The following TMEM47 variants were observed in gnomAD, a reference collection of about 807,000 sequenced individuals.
The protein encoded by TMEM47 is brain cell membrane protein 1.
TMEM47 carries 3 observed loss-of-function variants against 12.4 expected under a neutral mutation model. The observed-to-expected ratio is 0.24, with a 90% CI of 0.11 to 0.63. TMEM47 has a LOEUF of 0.63. Among genes scored for constraint, TMEM47 ranks in the 20% least tolerant of loss-of-function variants. TMEM47 has a pLI of 0.86. For synonymous variants in TMEM47, 62 were observed against 63.3 expected (o/e 0.98, Z 0.10); for missense variants, 89 against 143.8 (o/e 0.62, Z 1.95).
intron 1 of TMEM47, among the ~76,000 whole-genome samples, chrX:34,645,348 C>G (rs1340324894): frequency 8.9e-6 from 1 of 111,916 alleles, no homozygotes; most frequent in East Asian, 2.8e-4. Context: ...TAATTATTTT[C>G]ACGAAATGTA....
rs982695528 is a variant in TMEM47, at chrX:34,657,107, C to A, written c.-78G>T. 1.7e-5 allele frequency: 18 copies of A among 1,059,267 alleles called. No individual in the cohort carries two copies. Among genetic ancestry groups the A allele is most frequent in the Non-Finnish European group, 2.1e-5 (17 of 826,200 alleles). 87.3% of individuals were successfully genotyped at this position (1,059,267 alleles called of 1,213,427 possible). ...CCGGAGAGCCGGGAGCCGGACCTCC[C>A]GAAGGGAGAAGCCGCCGAGCTGCCA... On this transcript the variant is annotated 5_prime_UTR_variant, in exon 1 of 3. Transcript: ENST00000275954.
intron 1 of TMEM47, among the ~76,000 whole-genome samples, chrX:34,656,414 C>T (rs1391820131): frequency 9.1e-6 from 1 of 110,074 alleles, no homozygotes; most frequent in Non-Finnish European, 1.9e-5. Context: ...CCCGCAGCAT[C>T]TCGGTGGAGT....
intron 1 of TMEM47, 79 bp from the exon 2 acceptor site, chrX:34,639,466 T>C: frequency 1.0e-6 from 1 of 990,960 alleles, no homozygotes; most frequent in Non-Finnish European, 1.4e-6. Context: ...GCCTTCACCT[T>C]GCAGTGGCTC....
intron 1 of TMEM47, among the ~76,000 whole-genome samples, chrX:34,649,244 T>C (rs56372034): frequency 0.24 from 26,108 of 110,952 alleles, 2,609 homozygotes; most frequent in East Asian, 0.63. Context: ...TAAAGACACA[T>C]GCAGGAGAAT....
chrX:34,639,135 T>C, intron 2 of TMEM47, 112 bp downstream of exon 2: 1 of 902,331 alleles, frequency 1.1e-6, no homozygotes, highest in Non-Finnish European at 1.5e-6. Context: ...AGTAAATGCC[T>C]CTCAATTTTT....
At position 34,628,207 on chromosome X, in the gene TMEM47, T is replaced by C. The variant is rs1365398024; in HGVS notation, c.*2106A>G. The C allele has an allele frequency of 8.9e-6, 1 of 111,864 alleles. No homozygotes were observed. Among genetic ancestry groups the C allele is most frequent in the African/African-American group, 3.3e-5 (1 of 30,723 alleles). The allele number at this position is 111,864 out of a possible 1,213,427, so 9.2% of individuals were successfully genotyped here. ...TTCATTATTCAGGAATAAAGAGATCTCAGAACAGAGAATGTTTAGTTGCTG... is the reference window on the plus strand; with the variant it reads ...TTCATTATTCAGGAATAAAGAGATCCCAGAACAGAGAATGTTTAGTTGCTG... On this transcript the variant is annotated 3_prime_UTR_variant, in exon 3 of 3. Coordinates refer to ENST00000275954, the MANE Select transcript of TMEM47 (RefSeq NM_031442.4).
At chrX:34,649,047 C>T (rs2147141539) in intron 1 of TMEM47, among the ~76,000 whole-genome samples, 1 of 111,873 alleles carries the variant, frequency 8.9e-6, no homozygotes, top group African/African-American at 3.2e-5. Context: ...CAAAAAATAA[C>T]AGATGCTGGT....
At chrX:34,654,969 T>G (rs769392295) in intron 1 of TMEM47, among the ~76,000 whole-genome samples, 9 of 111,751 alleles carry the variant, frequency 8.1e-5, no homozygotes, top group Non-Finnish European at 1.7e-4. Flanking sequence ...CCGCTATATT[T>G]GCATTAGGCT....
chrX:34,643,718 A>C (rs1262234491), intron 1 of TMEM47, among the ~76,000 whole-genome samples: 5 of 111,837 alleles, frequency 4.5e-5, no homozygotes, highest in Non-Finnish European at 9.4e-5. Flanking sequence ...ATCAATGAAC[A>C]TGGTACTGTT....
intron 2 of TMEM47, among the ~76,000 whole-genome samples, chrX:34,638,277 C>T (rs1418078374): frequency 9.0e-6 from 1 of 111,621 alleles, no homozygotes; most frequent in East Asian, 2.8e-4. Context: ...ATTCCTTCAG[C>T]CCTTTGGACC....
intron 1 of TMEM47, among the ~76,000 whole-genome samples, chrX:34,645,384 T>C (rs987795902): frequency 4.5e-5 from 5 of 112,300 alleles, no homozygotes; most frequent in Non-Finnish European, 9.4e-5. Context: ...TTAATATTAA[T>C]GCTACGCATT....
intron 2 of TMEM47, among the ~76,000 whole-genome samples, chrX:34,637,505 C>T (rs1921738710): frequency 9.0e-6 from 1 of 111,091 alleles, no homozygotes; most frequent in African/African-American, 3.3e-5. Context: ...TATGAAAAAA[C>T]ATCCTTTTGA....
intron 2 of TMEM47, among the ~76,000 whole-genome samples, chrX:34,635,754 A>C (rs776533237): frequency 2.1e-4 from 24 of 111,825 alleles, no homozygotes; most frequent in African/African-American, 7.8e-4. Context: ...GTAGGGGAAG[A>C]CCAAATTTGG....
At chrX:34,646,168 A>C (rs1353381323) in intron 1 of TMEM47, among the ~76,000 whole-genome samples, 2 of 111,753 alleles carry the variant, frequency 1.8e-5, no homozygotes, top group Non-Finnish European at 3.8e-5. Context: ...ATTTCATTCA[A>C]GATCTTGGAG....
At chrX:34,641,556 G>A (rs1921818050) in intron 1 of TMEM47, among the ~76,000 whole-genome samples, 1 of 111,424 alleles carries the variant, frequency 9.0e-6, no homozygotes, top group Non-Finnish European at 1.9e-5. Context: ...ATAGCTCAGT[G>A]TGAAAAAAAA....
chrX:34,647,232 A>T lies in TMEM47; in HGVS notation c.227-7845T>A, dbSNP rs184328404. ...ATTCTGGTGAATATTTGGTTTAGGGACCTTAAACATGATGGCAATAAAATC... is the reference window on the plus strand; with the variant it reads ...ATTCTGGTGAATATTTGGTTTAGGGTCCTTAAACATGATGGCAATAAAATC... On this transcript the variant is annotated intron_variant, in intron 1 of 2. Coordinates refer to ENST00000275954, the MANE Select transcript of TMEM47 (RefSeq NM_031442.4). Among the ~76,000 whole-genome samples, 39 of 111,463 alleles carry T rather than the reference A, an allele frequency of 3.5e-4. No homozygotes were observed. In the East Asian group the frequency reaches 0.01, roughly 30 times the overall value.
chrX:34,656,717 C>G, intron 1 of TMEM47, 87 bp downstream of exon 1: 1 of 1,111,814 alleles, frequency 9.0e-7, no homozygotes. Flanking sequence ...GATGCGGGGA[C>G]GTGGGGACAG....
intron 1 of TMEM47, 31 bp downstream of exon 1, chrX:34,656,773 A>G: frequency 1.7e-6 from 2 of 1,155,327 alleles, no homozygotes; most frequent in Middle Eastern, 3.3e-4. Flanking sequence ...CCGGGGCGGG[A>G]GGCAGGGGTC....
At chrX:34,637,245 G>A (rs1403112936) in intron 2 of TMEM47, among the ~76,000 whole-genome samples, 1 of 110,341 alleles carries the variant, frequency 9.1e-6, no homozygotes, top group Non-Finnish European at 1.9e-5. Flanking sequence ...TGTTTTAGAT[G>A]GGCTACAGCA....
Sources: allele counts gnomAD v4.1 joint callset (sites outside exome capture counted in the v4.1 genomes callset), GRCh38; gene constraint gnomAD v4.1.1; transcripts MANE v1.5; gene names NCBI Gene and HGNC (gene_info 2026-07-23, HGNC 2026-07-21).